TIPIN: variants seen among roughly 807,000 people sequenced by gnomAD.
TIPIN encodes TIMELESS-interacting protein.
TIPIN carries 29 observed loss-of-function variants against 35.6 expected under a neutral mutation model. The ratio of observed to expected loss-of-function variants is 0.82; its 90% CI spans 0.61 to 1.11. TIPIN has a LOEUF of 1.11. Among genes scored for constraint, TIPIN ranks in the 50% most tolerant of loss-of-function variants. The pLI, the probability that TIPIN is intolerant of heterozygous loss-of-function variation, is 0.00. For synonymous variants in TIPIN, 102 were observed against 121.5 expected (o/e 0.84, Z 1.06); for missense variants, 296 against 345.4 (o/e 0.86, Z 1.13).
chr15:66,341,060 T>C, intron 7 of TIPIN, 90 bp downstream of exon 7: 1 of 1,183,072 alleles, frequency 8.5e-7, no homozygotes. Flanking sequence ...CCTAGAAGTA[T>C]TTTATTTTGG....
intron 1 of TIPIN, among the ~76,000 whole-genome samples, chr15:66,366,236 A>G (rs1370206118): frequency 6.6e-6 from 1 of 151,388 alleles, no homozygotes; most frequent in East Asian, 2.0e-4. Context: ...CGGGCAGATC[A>G]TGAAGTCAAG....
upstream of TIPIN, among the ~76,000 whole-genome samples, chr15:66,357,654 A>T (rs1381380033): frequency 6.7e-6 from 1 of 150,314 alleles, no homozygotes; most frequent in East Asian, 2.0e-4. Flanking sequence ...ACAAAAAAAA[A>T]TGTCAAAAAT....
chr15:66,371,498 C>A (rs75520205), intron 1 of TIPIN: 43,869 of 521,114 alleles, frequency 0.084, 2,215 homozygotes, highest in East Asian at 0.35. Context: ...ATTTATTTTT[C>A]TTTTCTCTGG....
intron 1 of TIPIN, among the ~76,000 whole-genome samples, chr15:66,381,867 C>T (rs545957615): frequency 1.3e-5 from 2 of 152,256 alleles, no homozygotes; most frequent in South Asian, 4.1e-4. Context: ...AGTTCAAGAC[C>T]AGCCTGCCCA....
At chr15:66,378,375 T>C (rs2093305415) in intron 1 of TIPIN, among the ~76,000 whole-genome samples, 1 of 152,184 alleles carries the variant, frequency 6.6e-6, no homozygotes, top group Admixed American at 6.6e-5. Flanking sequence ...GACCTCGTGA[T>C]CTGCCTTCCT....
intron 1 of TIPIN, among the ~76,000 whole-genome samples, chr15:66,381,319 T>C (rs772900057): frequency 1.4e-4 from 22 of 151,962 alleles, no homozygotes; most frequent in Admixed American, 2.6e-4. Context: ...GCGCCTGTAA[T>C]ATCAGCTACT....
chr15:66,380,417 T>C (rs1300127363), intron 1 of TIPIN, among the ~76,000 whole-genome samples: 2 of 152,236 alleles, frequency 1.3e-5, no homozygotes, highest in Non-Finnish European at 2.9e-5. Context: ...TTATGTTCTA[T>C]TGGTTTTTAC....
intron 1 of TIPIN, among the ~76,000 whole-genome samples, chr15:66,354,897 T>G (rs905144884): frequency 6.6e-6 from 1 of 152,202 alleles, no homozygotes; most frequent in Non-Finnish European, 1.5e-5. Context: ...TATCAGGTTT[T>G]ATTTATACAG....
chr15:66,354,642 C>T (rs372401736), intron 1 of TIPIN, among the ~76,000 whole-genome samples: 19 of 152,302 alleles, frequency 1.2e-4, no homozygotes, highest in African/African-American at 4.6e-4. Flanking sequence ...CAGCCTCTTA[C>T]TACCTCACCA....
intron 1 of TIPIN, among the ~76,000 whole-genome samples, chr15:66,376,506 G>A (rs560456444): frequency 1.3e-5 from 2 of 151,704 alleles, no homozygotes; most frequent in East Asian, 3.9e-4. Flanking sequence ...TCGGCTCACC[G>A]CAACCTCTGC....
At chr15:66,358,249 T>C (rs1343776799), upstream of TIPIN, among the ~76,000 whole-genome samples, 1 of 152,170 alleles carries the variant, frequency 6.6e-6, no homozygotes, top group Non-Finnish European at 1.5e-5. Context: ...GCATATGGGA[T>C]AGAGTGGGAT....
At position 66,356,391 on chromosome 15, in the gene TIPIN, G is replaced by A. The variant is rs62627261; in HGVS notation, c.-9+248C>T. Among the ~76,000 whole-genome samples, 1,266 of 152,220 alleles carry A rather than the reference G, an allele frequency of 8.3e-3. 27 individuals carry two copies. Among genetic ancestry groups the A allele is most frequent in the African/African-American group, 0.029 (1,210 of 41,528 alleles). On this transcript the variant is annotated intron_variant, in intron 1 of 7. Transcript: ENST00000261881. ...CTGGGGTAAAGATGATCAGGAACAC[G>A]TTCCCTCCCGCTAAGCGGCTTGGCA...
chr15:66,361,763 T>C lies in TIPIN; in HGVS notation c.-8-8808A>G, dbSNP rs143518522. Among the ~76,000 whole-genome samples the C allele has an allele frequency of 9.8e-3, 1,486 of 152,138 alleles. 54 individuals are homozygous for C. The highest frequency in any genetic ancestry group is 0.062 in the Admixed American group (941 of 15,252). On this transcript the variant is annotated intron_variant, in intron 1 of 7. Coordinates refer to the TIPIN transcript ENST00000562124. ...TGGCTCATGCCTGTAACCCCAGCAC[T>C]TTGGGAGGCTGAGGCGGGCAGATCA...
At chr15:66,352,688 G>A (rs1206189161) in intron 2 of TIPIN, 127 bp downstream of exon 2, 4 of 994,644 alleles carry the variant, frequency 4.0e-6, no homozygotes, top group African/African-American at 3.3e-5. Flanking sequence ...TCACCATGTT[G>A]GCCAGGCTGG....
chr15:66,375,081 T>C (rs2093291549), intron 1 of TIPIN, among the ~76,000 whole-genome samples: 1 of 152,138 alleles, frequency 6.6e-6, no homozygotes, highest in African/African-American at 2.4e-5. Context: ...GGGTTCTTCA[T>C]ATATTCTGGA....
intron 1 of TIPIN, chr15:66,371,514 G>A (rs923754555): frequency 2.4e-5 from 10 of 420,834 alleles, no homozygotes; most frequent in Non-Finnish European, 3.1e-5. Context: ...TCTGGTAATT[G>A]TTTCTTTTTT....
chr15:66,347,511 T>C (rs747098900), intron 6 of TIPIN, among the ~76,000 whole-genome samples: 2 of 152,232 alleles, frequency 1.3e-5, no homozygotes, highest in African/African-American at 2.4e-5. Flanking sequence ...CTATATAGGA[T>C]CAGTGGGTCA....
At chr15:66,346,093 T>G (rs2093123169) in intron 6 of TIPIN, among the ~76,000 whole-genome samples, 1 of 151,900 alleles carries the variant, frequency 6.6e-6, no homozygotes, top group African/African-American at 2.4e-5. Flanking sequence ...ATTACAGGCA[T>G]GTGCCACTAC....
At chr15:66,375,473 C>G (rs990092767) in intron 1 of TIPIN, among the ~76,000 whole-genome samples, 3 of 142,994 alleles carry the variant, frequency 2.1e-5, no homozygotes, top group Non-Finnish European at 1.5e-5. Context: ...CGACGCCCAG[C>G]CTAATGTTGT....
Sources: gnomAD v4.1 joint callset for allele counts (sites outside exome capture counted in the v4.1 genomes callset) on GRCh38, gnomAD v4.1.1 for gene constraint, MANE v1.5 for transcripts, NCBI Gene and HGNC (gene_info 2026-07-23, HGNC 2026-07-21) for gene names.